The following MACF1 variants were observed in gnomAD, a reference collection of about 807,000 sequenced individuals.
MACF1 encodes microtubule-actin cross-linking factor 1.
Under a neutral mutation model 854.8 loss-of-function variants are expected in MACF1, and 193 were observed. That is an observed-to-expected ratio of 0.23 (90% confidence interval 0.20 to 0.25). MACF1 has a LOEUF of 0.25. Among genes scored for constraint, MACF1 ranks in the 10% least tolerant of loss-of-function variants. The pLI, the probability that MACF1 is intolerant of heterozygous loss-of-function variation, is 1.00. For missense variants in MACF1, 7,722 were observed against 8,929.1 expected (o/e 0.86, Z 5.45); for synonymous variants, 3,185 against 3,226.7 (o/e 0.99, Z 0.44).
At chr1:39,212,600 A>C (rs778240849) in intron 1 of MACF1, among the ~76,000 whole-genome samples, 1 of 152,068 alleles carries the variant, frequency 6.6e-6, no homozygotes, top group Non-Finnish European at 1.5e-5. Context: ...TGTGTCCTAA[A>C]TCTCTGGTCA....
chr1:39,392,964 A>G (rs1642093441), intron 58 of MACF1, among the ~76,000 whole-genome samples: 1 of 151,974 alleles, frequency 6.6e-6, no homozygotes, highest in African/African-American at 2.4e-5. Flanking sequence ...CATTCTAGAA[A>G]TCACTAATGA....
intron 79 of MACF1, among the ~76,000 whole-genome samples, chr1:39,443,828 A>C (rs1224073633): frequency 4.6e-5 from 7 of 152,210 alleles, no homozygotes; most frequent in Admixed American, 6.5e-5. Flanking sequence ...ATTGACTTGA[A>C]GATGACAGCA....
At position 39,332,164 on chromosome 1, in the gene MACF1, T is replaced by G; in HGVS notation, c.5576T>G (p.Ile1859Ser). ...TTGCTGTGGCCTGAATCTGGAGAGA[T>G]CCTCCCAATTACAGATGCCCTAGAA... ...MGLLWPESGE[I>S]LPITDALEQG... is the part of the protein sequence containing the mutation. Residue 1859 changes from isoleucine to serine, a missense_variant, in exon 37 of 101, where the codon ATC (isoleucine) becomes AGC (serine). This residue lies in a region of MACF1 where 1,531 missense variants were observed against 1,601.6 expected (regional missense o/e 0.96). Transcript: ENST00000564288. 6.2e-7 allele frequency: 1 copy of G among 1,613,868 alleles called. No homozygotes were observed.
chr1:39,410,375 CTA>C (rs1177716202), intron 58 of MACF1: 5 of 1,613,842 alleles, frequency 3.1e-6, no homozygotes, highest in Non-Finnish European at 4.2e-6. Flanking sequence ...CCACAACGGT[CTA>C]TATATGATAC....
rs1450270466 is a variant in MACF1 at position 39,292,908 on chromosome 1, TC to T, written c.1992+67del. Reference sequence around the variant, plus strand: ...TCTGGTTCCCCCCAATCAACTCTCTTCCGTAATTCAGAAATCTCCTGGTTTG... The same window carrying T: ...TCTGGTTCCCCCCAATCAACTCTCTTCGTAATTCAGAAATCTCCTGGTTTG... On this transcript the variant is annotated intron_variant, in intron 17 of 100. Transcript: ENST00000564288. 23 of 1,335,434 alleles carry T rather than the reference TC, an allele frequency of 1.7e-5. No individual in the cohort carries two copies. In the African/African-American group the frequency reaches 3.1e-4, roughly 18 times the overall value. The allele number at this position is 1,335,434 out of a possible 1,614,324, so 82.7% of individuals were successfully genotyped here.
At chr1:39,282,141 G>A (rs200116094) in intron 6 of MACF1, 67 bp from the exon 7 acceptor site, 102 of 1,543,372 alleles carry the variant, frequency 6.6e-5, no homozygotes, top group Non-Finnish European at 8.8e-5. Flanking sequence ...ATAATGTATG[G>A]AGAAGAGAAG....
chr1:39,122,379 G>C (rs1003070423), intron 2 of MACF1, among the ~76,000 whole-genome samples: 1 of 151,002 alleles, frequency 6.6e-6, no homozygotes, highest in Non-Finnish European at 1.5e-5. Flanking sequence ...TCAGCCTCCC[G>C]AGTAGCTGTG....
At chr1:39,340,283 T>C (rs774868769) in intron 38 of MACF1, among the ~76,000 whole-genome samples, 1 of 152,124 alleles carries the variant, frequency 6.6e-6, no homozygotes, top group Non-Finnish European at 1.5e-5. Context: ...TTTTAAGCAA[T>C]GAGGCATCTC....
Position 39,251,923 on chromosome 1 carries a change from G to T in MACF1, c.339G>T (p.Glu113Asp). The T allele has an allele frequency of 6.6e-7, 1 of 1,515,280 alleles. No homozygotes were observed. The highest frequency in any genetic ancestry group is 8.8e-7 in the Non-Finnish European group (1 of 1,136,902). 93.9% of individuals were successfully genotyped at this position (1,515,280 alleles called of 1,614,324 possible). A position where few individuals can be genotyped will look rare whatever the true frequency, so the allele number is the denominator to read the frequency against. ...ATACAAACAACGAGGAGCAGGCGGAGGAAGATGATGATGATGTAGTAGGTC... is the reference window on the plus strand; with the variant it reads ...ATACAAACAACGAGGAGCAGGCGGATGAAGATGATGATGATGTAGTAGGTC... ...WCHTNNEEQAEEDDDDVPREK... is the reference protein window; with the variant it reads ...WCHTNNEEQADEDDDDVPREK... The change falls in exon 4 of 101, where the codon GAG (glutamate) becomes GAT (aspartate). Residue 113 changes from glutamate to aspartate, a missense_variant. Physicochemically the swap from Glu to Asp is conservative, Grantham distance 45. This residue lies in a region of MACF1 where 82 missense variants were observed against 84.0 expected (regional missense o/e 0.98). Transcript: ENST00000564288.
rs536616342 is a variant in MACF1, at chr1:39,482,994, G to A, written c.22282-1607G>A. On this transcript the variant is annotated intron_variant, in intron 99 of 100. Transcript: ENST00000564288. ...CCAGCCACTAGGGAGGCTGAGGTGGGAGGATTGCTTGAGCCTGGGAGGTCG... is the reference window on the plus strand; with the variant it reads ...CCAGCCACTAGGGAGGCTGAGGTGGAAGGATTGCTTGAGCCTGGGAGGTCG... Among the ~76,000 whole-genome samples, 4 of 148,468 alleles carry A rather than the reference G, an allele frequency of 2.7e-5. No homozygotes were observed. The South Asian group carries it at 8.7e-4, about 32-fold the overall frequency.
intron 61 of MACF1, 138 bp downstream of exon 61, chr1:39,424,332 AT>A: frequency 1.6e-6 from 1 of 623,414 alleles, no homozygotes; most frequent in Non-Finnish European, 2.7e-6. Context: ...ATGGGATAAG[AT>A]TTTAGAGATG....
At chr1:39,380,494 T>A in intron 55 of MACF1, 121 bp downstream of exon 55, 1 of 1,021,662 alleles carries the variant, frequency 9.8e-7, no homozygotes, top group Non-Finnish European at 1.4e-6. Context: ...AATAAGCAAT[T>A]AGGATCCAGA....
chr1:39,458,246 C>G (rs1256958815), intron 89 of MACF1, 124 bp from the exon 90 acceptor site: 1 of 837,910 alleles, frequency 1.2e-6, no homozygotes, highest in Non-Finnish European at 1.8e-6. Context: ...AACTCAGGCA[C>G]CAGCCTCCAC....
intron 2 of MACF1, among the ~76,000 whole-genome samples, chr1:39,113,162 C>G (rs567356778): frequency 5.3e-5 from 8 of 152,106 alleles, no homozygotes; most frequent in Non-Finnish European, 7.4e-5. Context: ...CTCCCTACCC[C>G]TAATCTCAAT....
chr1:39,142,256 G>T (rs1199100129), intron 2 of MACF1, among the ~76,000 whole-genome samples: 6 of 152,126 alleles, frequency 3.9e-5, no homozygotes, highest in Non-Finnish European at 7.4e-5. Context: ...GCCTCCTGTT[G>T]CCTCATCTCC....
At chr1:39,364,727 C>T (rs984433699) in intron 49 of MACF1, among the ~76,000 whole-genome samples, 23 of 151,920 alleles carry the variant, frequency 1.5e-4, no homozygotes, top group African/African-American at 5.1e-4. Flanking sequence ...CTCCTGACCT[C>T]GTGATCCGCC....
intron 2 of MACF1, among the ~76,000 whole-genome samples, chr1:39,241,727 G>A (rs552188804): frequency 5.0e-4 from 76 of 150,984 alleles, no homozygotes; most frequent in African/African-American, 1.8e-3. Context: ...TATGTATGGC[G>A]GGGAGGGGGG....
rs918793062 is a variant in MACF1 at position 39,132,135 on chromosome 1, G to C, written c.220+47697G>C. 2.6e-5 allele frequency among the ~76,000 whole-genome samples: 4 copies of C among 152,180 alleles called. No homozygotes were observed. In the East Asian group the frequency reaches 7.7e-4, roughly 29 times the overall value. On this transcript the variant is annotated intron_variant, in intron 2 of 93. Coordinates refer to the MACF1 transcript ENST00000361689. The stretch of plus-strand genomic sequence containing the variant: ...AAAGGAAGGAGCTCAGAATTAGATT[G>C]GGGGTAGAGAAAGGAAGCATTGAGT...
rs11406070 is a variant in MACF1 at position 39,266,594 on chromosome 1, C to CTTTTTTTTTT, written c.528+8582_528+8591dup. Among the ~76,000 whole-genome samples the CTTTTTTTTTT allele has an allele frequency of 1.2e-4, 7 of 58,118 alleles. 1 individual carries two copies. The highest frequency in any genetic ancestry group is 2.9e-4 in the African/African-American group (4 of 13,690). The allele number at this position is 58,118 out of a possible 152,430, so 38.1% of individuals were successfully genotyped here. ...GTTGCTTTCCTTTTGTGGTCTTTTC[C>CTTTTTTTTTT]TTTTTTTTTTTTTTTTTTTTTTTTT... is the stretch of plus-strand genomic sequence containing the variant. On this transcript the variant is annotated intron_variant, in intron 6 of 100. Coordinates refer to ENST00000564288, the MANE Select transcript of MACF1 (RefSeq NM_001394062.1).
Sources: allele counts gnomAD v4.1 joint callset (sites outside exome capture counted in the v4.1 genomes callset), GRCh38; gene constraint gnomAD v4.1.1; regional missense constraint gnomAD v4.1.1; transcripts MANE v1.5; gene names NCBI Gene and HGNC (gene_info 2026-07-23, HGNC 2026-07-21).